Variants in TCF4 observed in about 807,000 individuals in gnomAD.
TCF4 encodes the protein transcription factor 4, also known as SL3-3 enhancer factor 2.
Under a neutral mutation model 82.1 loss-of-function variants are expected in TCF4, and 3 were observed. The observed-to-expected ratio is 0.04, with a 90% CI of 0.02 to 0.09. The LOEUF (loss-of-function observed/expected upper bound fraction) is 0.09. TCF4 is among the 10% of genes least tolerant of loss of function. The probability of loss-of-function intolerance (pLI) is 1.00; values close to 1 mark genes in which losing one functional copy is unlikely to be tolerated. For missense variants in TCF4, 518 were observed against 852.7 expected (o/e 0.61, Z 4.89); for synonymous variants, 276 against 309.6 (o/e 0.89, Z 1.14).
chr18:55,378,086 A>T (rs1009658858), intron 6 of TCF4, among the ~76,000 whole-genome samples: 14 of 152,206 alleles, frequency 9.2e-5, no homozygotes, highest in Non-Finnish European at 1.9e-4. Flanking sequence ...AACTTAAAAA[A>T]AATAGAAAGG....
chr18:55,548,484 CTTTTT>C (rs769444156), intron 3 of TCF4, among the ~76,000 whole-genome samples: 97 of 150,188 alleles, frequency 6.5e-4, no homozygotes, highest in Non-Finnish European at 1.0e-3. Flanking sequence ...TCAAGGATAT[CTTTTT>C]TTTTTAACTC....
At chr18:55,540,347 A>G (rs1306546515) in intron 3 of TCF4, among the ~76,000 whole-genome samples, 2 of 152,152 alleles carry the variant, frequency 1.3e-5, no homozygotes, top group African/African-American at 2.4e-5. Context: ...ACTAATTATG[A>G]TATTTTGTCT....
At chr18:55,586,070 T>TC in intron 2 of TCF4, 1 of 1,423,774 alleles carries the variant, frequency 7.0e-7, no homozygotes, top group Non-Finnish European at 9.3e-7. Flanking sequence ...GGGCTACGTT[T>TC]CCTGGCAAAA....
intron 8 of TCF4, among the ~76,000 whole-genome samples, chr18:55,327,631 T>G (rs932687393): frequency 1.3e-5 from 2 of 152,136 alleles, no homozygotes; most frequent in African/African-American, 4.8e-5. Flanking sequence ...GTCAGATAGC[T>G]TGTATTCATA....
At chr18:55,341,794 A>G (rs2080031427) in intron 8 of TCF4, among the ~76,000 whole-genome samples, 1 of 152,306 alleles carries the variant, frequency 6.6e-6, no homozygotes, top group Admixed American at 6.5e-5. Context: ...TTAAGGGACA[A>G]AAGTCCATGT....
chr18:55,332,435 A>G (rs777969695), intron 8 of TCF4: 5 of 152,240 alleles, frequency 3.3e-5, no homozygotes, highest in Non-Finnish European at 5.9e-5. Context: ...CCATCTGTAT[A>G]TCATATATTA....
At chr18:55,615,586 C>A (rs1035392674) in intron 2 of TCF4, among the ~76,000 whole-genome samples, 4 of 152,064 alleles carry the variant, frequency 2.6e-5, no homozygotes, top group Non-Finnish European at 2.9e-5. Context: ...GCAAGACCAT[C>A]TTTACCTCCT....
intron 2 of TCF4, among the ~76,000 whole-genome samples, chr18:55,622,002 T>TAC (rs1262980575): frequency 7.7e-6 from 1 of 130,008 alleles, no homozygotes; most frequent in Non-Finnish European, 1.5e-5. Flanking sequence ...ATATTATATA[T>TAC]ACACTATATA....
At position 55,233,980 on chromosome 18, in the gene TCF4, A is replaced by T. The variant is rs189411430; in HGVS notation, c.1486+568T>A. Among the ~76,000 whole-genome samples the T allele has an allele frequency of 1.6e-4, 25 of 152,180 alleles. No homozygotes were observed. In the East Asian group the frequency reaches 4.2e-3, roughly 26 times the overall value. ...TGTTATCATTTTTATATTAAATGTG[A>T]AGGGACTGAGAAGATGTTATCTAAG... On this transcript the variant is annotated intron_variant, in intron 16 of 19. Transcript: ENST00000354452.
intron 6 of TCF4, among the ~76,000 whole-genome samples, chr18:55,362,928 G>A (rs545182047): frequency 5.3e-5 from 8 of 152,212 alleles, no homozygotes; most frequent in South Asian, 4.2e-4. Flanking sequence ...CTAAAAGACC[G>A]AAATAATCTT....
At chr18:55,232,712 C>T in intron 16 of TCF4, 41 bp from the exon 17 acceptor site, 1 of 1,612,782 alleles carries the variant, frequency 6.2e-7, no homozygotes, top group South Asian at 1.1e-5. Context: ...ACACCACAAT[C>T]TCACTGCCTG....
At chr18:55,586,167 GCAGCAGCAGCAGCAGCAGC>G in intron 2 of TCF4, 16 of 381,982 alleles carry the variant, frequency 4.2e-5, no homozygotes, top group Admixed American at 2.6e-4. Context: ...AGCAGCAGCA[GCAGCAGCAGCAGCAGCAGC>G]AGCAGCAGCA....
At chr18:55,566,619 TAACACGTTAGAG>T (rs2097409608) in intron 3 of TCF4, among the ~76,000 whole-genome samples, 1 of 152,134 alleles carries the variant, frequency 6.6e-6, no homozygotes, top group Non-Finnish European at 1.5e-5. Flanking sequence ...TTGCATTAGA[TAACACGTTAGAG>T]AAACCTGAAG....
chr18:55,372,668 G>C (rs1166366425), intron 6 of TCF4, among the ~76,000 whole-genome samples: 1 of 151,920 alleles, frequency 6.6e-6, no homozygotes, highest in African/African-American at 2.4e-5. Context: ...AAAAAACCCA[G>C]AACAACATGG....
At chr18:55,547,605 C>T (rs756856319) in intron 3 of TCF4, among the ~76,000 whole-genome samples, 14 of 152,168 alleles carry the variant, frequency 9.2e-5, no homozygotes, top group Non-Finnish European at 1.5e-5. Context: ...TAAACAGGTG[C>T]ACACTTTCCT....
At chr18:55,238,953 C>T (rs1273217435) in intron 15 of TCF4, among the ~76,000 whole-genome samples, 2 of 152,158 alleles carry the variant, frequency 1.3e-5, no homozygotes, top group African/African-American at 4.8e-5. Flanking sequence ...CAGAGAGCTA[C>T]AAACGAGGAA....
intron 8 of TCF4, among the ~76,000 whole-genome samples, chr18:55,345,657 C>A (rs1263159921): frequency 6.6e-6 from 1 of 152,214 alleles, no homozygotes; most frequent in East Asian, 1.9e-4. Context: ...AAGTATCTAT[C>A]CCTGCAGGGA....
At chr18:55,353,633 C>T (rs745984370) in intron 6 of TCF4, among the ~76,000 whole-genome samples, 1 of 152,064 alleles carries the variant, frequency 6.6e-6, no homozygotes. Context: ...ACTTATAAAG[C>T]GAACAATGAC....
chr18:55,286,671 G>A (rs117456471), intron 8 of TCF4, among the ~76,000 whole-genome samples: 4,276 of 152,296 alleles, frequency 0.028, 104 homozygotes, highest in Non-Finnish European at 0.038. Context: ...CAGTGCAGGT[G>A]AACAGTCCAA....
Sources: gnomAD v4.1 joint callset for allele counts (sites outside exome capture counted in the v4.1 genomes callset) on GRCh38, gnomAD v4.1.1 for gene constraint, MANE v1.5 for transcripts, NCBI Gene and HGNC (gene_info 2026-07-23, HGNC 2026-07-21) for gene names.